DYRK1A: variants seen among roughly 807,000 people sequenced by gnomAD.
DYRK1A encodes dual specificity tyrosine phosphorylation regulated kinase 1A.
In DYRK1A, 9 loss-of-function variants were observed where a neutral mutation model predicts 79.7. The observed-to-expected ratio is 0.11, with a 90% CI of 0.07 to 0.20. The LOEUF is 0.20. DYRK1A is among the 10% of genes least tolerant of loss of function. DYRK1A has a pLI of 1.00. For synonymous variants in DYRK1A, 349 were observed against 329.7 expected (o/e 1.06, Z -0.63); for missense variants, 622 against 956.0 (o/e 0.65, Z 4.61).
Position 37,512,108 on chromosome 21 carries a change from C to G in DYRK1A, c.1842C>G (p.Ala614=). 2 of 1,614,182 alleles carry G rather than the reference C, an allele frequency of 1.2e-6. No homozygotes were observed. Among genetic ancestry groups the G allele is most frequent in the African/African-American group, 2.7e-5 (2 of 75,042 alleles). Residue 614 remains alanine (A), a synonymous_variant, in exon 12 of 12, where the codon GCC becomes GCG. Coordinates refer to ENST00000647188, the MANE Select transcript of DYRK1A (RefSeq NM_001347721.2). ...ATCACCACCACCATGGACAACAAGC[C>G]TTGGGTAACCGGACCAGGCCAAGGG... The part of the protein sequence containing the change: ...HHHHHHHGQQ[A]LGNRTRPRVY...
At chr21:37,499,909 T>G (rs2148636147) in intron 9 of DYRK1A, among the ~76,000 whole-genome samples, 2 of 152,262 alleles carry the variant, frequency 1.3e-5, no homozygotes, top group Admixed American at 1.3e-4. Context: ...ACATCTGCAG[T>G]CAAATGTGGA....
intron 1 of DYRK1A, chr21:37,418,966 T>C (rs779265051): frequency 6.6e-5 from 10 of 152,190 alleles, no homozygotes; most frequent in Non-Finnish European, 1.3e-4. Flanking sequence ...TTGCTGCTAT[T>C]TGGAGTACAA....
rs1183029117 is a variant in DYRK1A at position 37,479,606 on chromosome 21, G to GTTTTTTTTTTTTTTTTTTTTTTTT, written c.301-1027_301-1026insTTTTTTTTTTTTTTTTTTTTTTTT. Among the ~76,000 whole-genome samples, 47 of 27,602 alleles carry GTTTTTTTTTTTTTTTTTTTTTTTT rather than the reference G, an allele frequency of 1.7e-3. 5 individuals carry two copies. The highest frequency in any genetic ancestry group is 0.013 in the East Asian group (11 of 880). The allele number at this position is 27,602 out of a possible 152,430, so 18.1% of individuals were successfully genotyped here. On this transcript the variant is annotated intron_variant, in intron 4 of 11. Transcript: ENST00000647188. ...GTGTTGGTGTTTTGTTTTTGTTTTT[G>GTTTTTTTTTTTTTTTTTTTTTTTT]TTTTTGTTTTTTGTTTTTTTTTTTT...
At position 37,517,993 on chromosome 21, in the gene DYRK1A, G is replaced by C. The variant is rs2053898159; in HGVS notation, c.*5462G>C. 6.6e-6 allele frequency: 1 copy of C among 152,186 alleles called. No individual in the cohort carries two copies. The highest frequency in any genetic ancestry group is 6.5e-5 in the Admixed American group (1 of 15,278). 9.4% of individuals were successfully genotyped at this position (152,186 alleles called of 1,614,324 possible). A position where few individuals can be genotyped will look rare whatever the true frequency, so the allele number is the denominator to read the frequency against. ...ACTGCAGCCTTAAACAACTGGGCTA[G>C]GTGATCCTCCCATCTCAGCCTCCCA... On this transcript the variant is annotated 3_prime_UTR_variant, in exon 12 of 12. Transcript: ENST00000647188.
intron 2 of DYRK1A, among the ~76,000 whole-genome samples, chr21:37,453,923 A>G (rs886720380): frequency 1.3e-5 from 2 of 152,104 alleles, no homozygotes; most frequent in African/African-American, 4.8e-5. Flanking sequence ...AAATTGATTT[A>G]CTGAATCTGA....
intron 1 of DYRK1A, 68 bp from the exon 2 acceptor site, chr21:37,420,231 A>G: frequency 1.9e-6 from 1 of 520,346 alleles, no homozygotes; most frequent in Non-Finnish European, 3.3e-6. Context: ...GTTATGTTAG[A>G]TATTCCTCAG....
chr21:37,520,248 GTC>G lies in DYRK1A; in HGVS notation c.*7719_*7720del, dbSNP rs370703391. The stretch of plus-strand genomic sequence containing the variant: ...ACCCTTTGCTCCCACTCCAAGGAAA[GTC>G]TGTTACATTTTTAGCCTTCAGAGGT... On this transcript the variant is annotated 3_prime_UTR_variant, in exon 12 of 12. Coordinates refer to ENST00000647188, the MANE Select transcript of DYRK1A (RefSeq NM_001347721.2). The G allele has an allele frequency of 6.6e-6, 1 of 152,312 alleles. No homozygotes were observed. Among genetic ancestry groups the G allele is most frequent in the African/African-American group, 2.4e-5 (1 of 41,562 alleles). The allele number at this position is 152,312 out of a possible 1,614,324, so 9.4% of individuals were successfully genotyped here.
Position 37,438,993 on chromosome 21 carries a change from A to G in DYRK1A, c.10+18609A>G, listed in dbSNP as rs117861979. ...CCTTTCTCTCATTTTTCTAATTTTC[A>G]GTATGCAGTTTTTTCATGTATTTTG... On this transcript the variant is annotated intron_variant, in intron 2 of 11. Coordinates refer to ENST00000647188, the MANE Select transcript of DYRK1A (RefSeq NM_001347721.2). Among the ~76,000 whole-genome samples the G allele has an allele frequency of 3.8e-3, 577 of 152,278 alleles. 2 individuals are homozygous for G. Among genetic ancestry groups the G allele is most frequent in the Non-Finnish European group, 6.6e-3 (449 of 68,014 alleles).
In DYRK1A at chr21:37,516,595, C is replaced by T. The variant is rs899901938; in HGVS notation, c.*4064C>T. 6.6e-6 allele frequency: 1 copy of T among 152,080 alleles called. No individual in the cohort carries two copies. Among genetic ancestry groups the T allele is most frequent in the African/African-American group, 2.4e-5 (1 of 41,404 alleles). 9.4% of individuals were successfully genotyped at this position (152,080 alleles called of 1,614,324 possible). ...CTGTGGATGCCTACTGGGCTTTCAC[C>T]CTGGACCAGGAATTTTTGACGTATG... On this transcript the variant is annotated 3_prime_UTR_variant, in exon 12 of 12. Coordinates refer to ENST00000647188, the MANE Select transcript of DYRK1A (RefSeq NM_001347721.2).
At chr21:37,465,393 GA>G (rs748861224) in intron 2 of DYRK1A, among the ~76,000 whole-genome samples, 35 of 151,770 alleles carry the variant, frequency 2.3e-4, no homozygotes, top group African/African-American at 7.7e-4. Flanking sequence ...ATCTATTGGG[GA>G]AAAAAAACCC....
Position 37,514,794 on chromosome 21 carries a change from G to A in DYRK1A, c.*2263G>A, listed in dbSNP as rs2053853671. ...TATCAAAAGGAATTCAGTAGTTACTGCTGTTTAGGAATATAAGGTTAAGAT... is the reference window on the plus strand; with the variant it reads ...TATCAAAAGGAATTCAGTAGTTACTACTGTTTAGGAATATAAGGTTAAGAT... On this transcript the variant is annotated 3_prime_UTR_variant, in exon 12 of 12. Coordinates refer to ENST00000647188, the MANE Select transcript of DYRK1A (RefSeq NM_001347721.2). The A allele has an allele frequency of 6.6e-6, 1 of 152,558 alleles. No homozygotes were observed. The highest frequency in any genetic ancestry group is 1.5e-5 in the Non-Finnish European group (1 of 68,018). The allele number at this position is 152,558 out of a possible 1,614,324, so 9.5% of individuals were successfully genotyped here.
In DYRK1A at chr21:37,386,789, G is replaced by A. The variant is rs771500752; in HGVS notation, c.-77+19161G>A. ...CATTTCCCCCTTTAGTCACTGGCAG[G>A]CTCTATCCTCAGATTAATCAGATGG... On this transcript the variant is annotated intron_variant, in intron 1 of 11. Transcript: ENST00000647188. Among the ~76,000 whole-genome samples the A allele has an allele frequency of 2.0e-5, 3 of 152,154 alleles. No homozygotes were observed. The South Asian group carries it at 6.2e-4, about 31-fold the overall frequency.
chr21:37,382,461 A>G (rs767209672), intron 1 of DYRK1A, among the ~76,000 whole-genome samples: 27 of 152,074 alleles, frequency 1.8e-4, no homozygotes, highest in Non-Finnish European at 3.2e-4. Context: ...TTTATTTATA[A>G]TTTCTTGAAC....
intron 11 of DYRK1A, 35 bp downstream of exon 11, chr21:37,506,258 C>G: frequency 6.2e-7 from 1 of 1,613,864 alleles, no homozygotes; most frequent in Non-Finnish European, 8.5e-7. Context: ...CTTGTGTCAC[C>G]TGCCATTCTC....
Position 37,506,151 on chromosome 21 carries a change from C to T in DYRK1A, c.1572C>T (p.His524=), listed in dbSNP as rs772269812. The T allele has an allele frequency of 3.7e-6, 6 of 1,614,104 alleles. No individual in the cohort carries two copies. The South Asian group carries it at 5.5e-5, about 15-fold the overall frequency. ...NSGRARSDPT[H]QHRHSGGHFT... is the part of the protein sequence containing the mutation. ...GGAGAGCCCGGTCGGATCCGACGCA[C>T]CAGCATCGGCACAGTGGTGGGCACT... The change falls in exon 11 of 12, where the codon CAC becomes CAT. Residue 524 remains histidine, a synonymous_variant. Transcript: ENST00000647188.
intron 2 of DYRK1A, among the ~76,000 whole-genome samples, chr21:37,441,514 T>A (rs1301913498): frequency 6.6e-6 from 1 of 152,176 alleles, no homozygotes; most frequent in African/African-American, 2.4e-5. Flanking sequence ...TTGAAATTTT[T>A]AAATGATTTG....
At chr21:37,461,948 C>A (rs2051853237) in intron 2 of DYRK1A, among the ~76,000 whole-genome samples, 2 of 149,390 alleles carry the variant, frequency 1.3e-5, no homozygotes, top group Admixed American at 1.3e-4. Context: ...TCTGCGGTGT[C>A]TGAACTGCTA....
intron 2 of DYRK1A, among the ~76,000 whole-genome samples, chr21:37,438,960 T>G (rs2051007735): frequency 6.6e-6 from 1 of 152,178 alleles, no homozygotes; most frequent in Non-Finnish European, 1.5e-5. Context: ...CACATATATC[T>G]ATTTAGCCCT....
At chr21:37,405,702 T>C (rs2050134354) in intron 1 of DYRK1A, among the ~76,000 whole-genome samples, 1 of 152,216 alleles carries the variant, frequency 6.6e-6, no homozygotes, top group Non-Finnish European at 1.5e-5. Flanking sequence ...TGTTTCCCTC[T>C]TTTAGCAATC....
Sources: allele counts gnomAD v4.1 joint callset (sites outside exome capture counted in the v4.1 genomes callset), GRCh38; gene constraint gnomAD v4.1.1; transcripts MANE v1.5; gene names NCBI Gene and HGNC (gene_info 2026-07-23, HGNC 2026-07-21).